The following UBE3C variants were observed in gnomAD, a reference collection of about 807,000 sequenced individuals.
UBE3C encodes ubiquitin protein ligase E3C.
A neutral mutation model predicts 129.4 loss-of-function variants in UBE3C; 42 were observed. The observed-to-expected ratio is 0.32, with a 90% CI of 0.25 to 0.42. The LOEUF is 0.42. UBE3C is among the 10% of genes least tolerant of loss of function. UBE3C has a pLI of 1.00. For synonymous variants in UBE3C, 510 were observed against 492.4 expected, an observed-to-expected ratio of 1.04 and a Z score of -0.47; for missense variants, 1,049 against 1,319.1, an observed-to-expected ratio of 0.80 and a Z score of 3.17.
chr7:157,253,090 CTT>C (rs1796659673), intron 19 of UBE3C, among the ~76,000 whole-genome samples: 1 of 152,238 alleles, frequency 6.6e-6, no homozygotes, highest in South Asian at 2.1e-4. Context: ...AAAATACACT[CTT>C]TATAAATTAT....
chr7:157,164,301 T>C (rs1488324636), intron 2 of UBE3C: 1 of 454,330 alleles, frequency 2.2e-6, no homozygotes. Context: ...GGACTACAGG[T>C]GCATGCCACC....
At chr7:157,267,379 G>A (rs1452216831) in intron 22 of UBE3C, among the ~76,000 whole-genome samples, 2 of 152,172 alleles carry the variant, frequency 1.3e-5, no homozygotes, top group Middle Eastern at 3.2e-3. Context: ...CTGAGATGGC[G>A]CCATTGCCCT....
Position 157,254,148 on chromosome 7 carries a change from C to G in UBE3C, c.2883+6C>G. The G allele has an allele frequency of 6.2e-7, 1 of 1,610,802 alleles. No individual in the cohort carries two copies. Among genetic ancestry groups the G allele is most frequent in the Non-Finnish European group, 8.5e-7 (1 of 1,178,070 alleles). On this transcript the variant is annotated splice_donor_region_variant and intron_variant, in intron 20 of 22. Transcript: ENST00000348165. ...TTGATCAGCAAGAAATTCAGGTACC[C>G]TACCTGCTGACTTTCTGGGACACGC...
intron 1 of UBE3C, among the ~76,000 whole-genome samples, chr7:157,147,118 T>C (rs1026852328): frequency 2.0e-5 from 3 of 152,200 alleles, no homozygotes; most frequent in Non-Finnish European, 4.4e-5. Flanking sequence ...GTAGATCAAG[T>C]TGGGAAAAAC....
chr7:157,183,840 T>C (rs752414869), intron 8 of UBE3C, 38 bp from the exon 9 acceptor site: 2 of 1,576,732 alleles, frequency 1.3e-6, no homozygotes, highest in Non-Finnish European at 1.7e-6. Context: ...AAAAATAATG[T>C]TTAACTAAAA....
In UBE3C at chr7:157,163,805, TG is replaced by T. The variant is rs761295522; in HGVS notation, c.67-4del. 1.2e-6 allele frequency: 2 copies of T among 1,612,988 alleles called. No homozygotes were observed. The highest frequency in any genetic ancestry group is 1.7e-5 in the Admixed American group (1 of 59,900). On this transcript the variant is annotated splice_region_variant and splice_polypyrimidine_tract_variant and intron_variant, in intron 1 of 22. Coordinates refer to ENST00000348165, the MANE Select transcript of UBE3C (RefSeq NM_014671.3). ...TTACCTCCTTTTTTCTCTGTTTGGG[TG>T]TAGGAGGAAAAGGCTTCTCTTTTAC...
chr7:157,198,070 T>C (rs747323789), intron 10 of UBE3C: 35 of 1,611,432 alleles, frequency 2.2e-5, no homozygotes, highest in Non-Finnish European at 2.8e-5. Context: ...TCTCCTCTTT[T>C]AACAAACTCC....
intron 10 of UBE3C, among the ~76,000 whole-genome samples, chr7:157,196,112 G>A (rs1015496208): frequency 1.8e-4 from 27 of 147,862 alleles, no homozygotes; most frequent in Admixed American, 3.3e-4. Flanking sequence ...TAACAGAAGG[G>A]TCATAGAGAT....
At chr7:157,144,563 G>C (rs553440152) in intron 1 of UBE3C, among the ~76,000 whole-genome samples, 3 of 152,214 alleles carry the variant, frequency 2.0e-5, no homozygotes, top group African/African-American at 7.2e-5. Flanking sequence ...ACTTAAAGAA[G>C]CTAGGGATGA....
At chr7:157,150,666 CATACTT>C (rs1807732981) in intron 1 of UBE3C, among the ~76,000 whole-genome samples, 1 of 152,156 alleles carries the variant, frequency 6.6e-6, no homozygotes, top group Non-Finnish European at 1.5e-5. Flanking sequence ...AATTTATTAA[CATACTT>C]GTATTTATGA....
At chr7:157,166,468 C>T (rs988949598) in intron 2 of UBE3C, among the ~76,000 whole-genome samples, 3 of 152,214 alleles carry the variant, frequency 2.0e-5, no homozygotes, top group African/African-American at 4.8e-5. Context: ...GGGCTGGGCG[C>T]GATGGCTCAC....
rs561836967 is a variant in UBE3C at position 157,190,571 on chromosome 7, G to A, written c.1331+3550G>A. ...ACACCCACCCTCACGGAAGGTGCTG[G>A]TGGGCGGTGCTGCCCAGGGTTTTGG... On this transcript the variant is annotated intron_variant, in intron 10 of 22. Transcript: ENST00000348165. Among the ~76,000 whole-genome samples, 26 of 152,274 alleles carry A rather than the reference G, an allele frequency of 1.7e-4. No individual in the cohort carries two copies. In the South Asian group the frequency reaches 3.7e-3, roughly 22 times the overall value.
At chr7:157,158,255 C>G (rs1345580802) in intron 1 of UBE3C, among the ~76,000 whole-genome samples, 1 of 151,850 alleles carries the variant, frequency 6.6e-6, no homozygotes, top group Admixed American at 6.6e-5. Flanking sequence ...TATAATGAAG[C>G]CTTTTGAAAA....
At position 157,248,549 on chromosome 7, in the gene UBE3C, C is replaced by G. The variant is rs1415760265; in HGVS notation, c.2663C>G (p.Thr888Ser). The change falls in exon 19 of 23, where the codon ACT becomes AGT. Residue 888 changes from threonine to serine, a missense_variant. Physicochemically the swap from Thr to Ser is moderately conservative, Grantham distance 58. Around this residue, in one of 4 missense-constraint regions of UBE3C, gnomAD observed 243 missense variants for 368.7 expected, o/e 0.66. Coordinates refer to ENST00000348165, the MANE Select transcript of UBE3C (RefSeq NM_014671.3). ...GTGGAGGAGCTTGGGCTGAACTTCACTGTGGTGAACAATGACCTGGGAGAG... is the reference window on the plus strand; with the variant it reads ...GTGGAGGAGCTTGGGCTGAACTTCAGTGTGGTGAACAATGACCTGGGAGAG... ...DDVEELGLNFTVVNNDLGEAQ... is the reference protein window; with the variant it reads ...DDVEELGLNFSVVNNDLGEAQ... 1.2e-6 allele frequency: 2 copies of G among 1,612,572 alleles called. No homozygotes were observed. Among genetic ancestry groups the G allele is most frequent in the Non-Finnish European group, 1.7e-6 (2 of 1,180,022 alleles).
intron 10 of UBE3C, chr7:157,192,843 G>T: frequency 5.2e-5 from 50 of 963,504 alleles, no homozygotes; most frequent in Non-Finnish European, 7.7e-5. Context: ...CTGCGTATGA[G>T]TTAATAAAAG....
chr7:157,182,156 T>C lies in UBE3C; in HGVS notation c.819T>C (p.Phe273=), dbSNP rs1808680742. Residue 273 remains phenylalanine (F), a synonymous_variant, in exon 8 of 23, where the codon TTT becomes TTC. Coordinates refer to ENST00000348165, the MANE Select transcript of UBE3C (RefSeq NM_014671.3). The part of the protein sequence containing the change: ...AFTEEFLAAP[F]TDQIFHFIIP... Reference sequence around the variant, plus strand: ...CAGAGGAGTTTCTGGCAGCACCTTTTACAGATCAGATTTTTCATTTCATCA... The same window carrying C: ...CAGAGGAGTTTCTGGCAGCACCTTTCACAGATCAGATTTTTCATTTCATCA... 1 of 1,611,118 alleles carries C rather than the reference T, an allele frequency of 6.2e-7. No individual in the cohort carries two copies. The highest frequency in any genetic ancestry group is 8.5e-7 in the Non-Finnish European group (1 of 1,179,272).
At chr7:157,184,158 G>A (rs750028071) in intron 9 of UBE3C, 129 bp downstream of exon 9, 135 of 1,201,202 alleles carry the variant, frequency 1.1e-4, no homozygotes, top group Non-Finnish European at 1.4e-4. Context: ...GAGAAGCCCC[G>A]TCAGCCCCAC....
At chr7:157,219,863 C>T (rs1165279318) in intron 14 of UBE3C, among the ~76,000 whole-genome samples, 1 of 151,212 alleles carries the variant, frequency 6.6e-6, no homozygotes, top group African/African-American at 2.4e-5. Flanking sequence ...CAGGCCACTG[C>T]ACTTTATCCT....
intron 16 of UBE3C, among the ~76,000 whole-genome samples, chr7:157,224,385 G>A (rs905625015): frequency 4.6e-5 from 7 of 151,862 alleles, no homozygotes; most frequent in African/African-American, 1.5e-4. Context: ...CAGTAGAGAC[G>A]GGGTTTCGCC....
Sources: allele counts gnomAD v4.1 joint callset (sites outside exome capture counted in the v4.1 genomes callset), GRCh38; gene constraint gnomAD v4.1.1; regional missense constraint gnomAD v4.1.1; transcripts MANE v1.5; gene names NCBI Gene and HGNC (gene_info 2026-07-23, HGNC 2026-07-21).